Variants in SLC38A9 observed in about 807,000 individuals in gnomAD.
SLC38A9 encodes neutral amino acid transporter 9.
SLC38A9 carries 48 observed loss-of-function variants against 62.3 expected under a neutral mutation model. The observed-to-expected ratio is 0.77, with a 90% confidence interval of 0.61 to 0.98. SLC38A9 has a LOEUF of 0.98. Ranked by LOEUF, SLC38A9 falls within the 50% of genes least tolerant of loss-of-function variation. The pLI is 0.00. For missense variants in SLC38A9, 541 were observed against 679.8 expected (o/e 0.80, Z 2.27); for synonymous variants, 204 against 227.7 (o/e 0.90, Z 0.94).
intron 3 of SLC38A9, among the ~76,000 whole-genome samples, chr5:55,687,147 A>G (rs552298151): frequency 5.9e-4 from 89 of 150,148 alleles, no homozygotes; most frequent in African/African-American, 2.1e-3. Context: ...TATTTTTAAA[A>G]GTTTTTTCTA....
chr5:55,653,914 C>T (rs561495324), intron 9 of SLC38A9, among the ~76,000 whole-genome samples: 3 of 152,320 alleles, frequency 2.0e-5, no homozygotes, highest in African/African-American at 7.2e-5. Flanking sequence ...GCCTTGGCCT[C>T]CCAAAGTGCT....
At chr5:55,641,264 C>A (rs1178939642) in intron 12 of SLC38A9, among the ~76,000 whole-genome samples, 1 of 152,206 alleles carries the variant, frequency 6.6e-6, no homozygotes, top group Non-Finnish European at 1.5e-5. Context: ...TATAACTTAA[C>A]AATATGGAGC....
rs1029405760 is a variant in SLC38A9, at chr5:55,640,845, T to C, written c.1167+4944A>G. 2.0e-5 allele frequency among the ~76,000 whole-genome samples: 3 copies of C among 152,198 alleles called. No homozygotes were observed. The South Asian group carries it at 6.2e-4, about 32-fold the overall frequency. On this transcript the variant is annotated intron_variant, in intron 12 of 15. Transcript: ENST00000396865. ...ATGAAGAAAAAGTAAAATATGTATA[T>C]ATATTTTTGAGACAGAGTTTCACTC... is the stretch of plus-strand genomic sequence containing the variant.
chr5:55,668,625 C>A (rs1376986141), intron 7 of SLC38A9, among the ~76,000 whole-genome samples: 1 of 152,136 alleles, frequency 6.6e-6, no homozygotes, highest in African/African-American at 2.4e-5. Context: ...CAGAAAAAAA[C>A]TGGAGGCAAA....
At chr5:55,651,173 C>T (rs888479557) in intron 10 of SLC38A9, among the ~76,000 whole-genome samples, 2 of 148,742 alleles carry the variant, frequency 1.3e-5, no homozygotes, top group South Asian at 2.2e-4. Context: ...GTGGAGTTAT[C>T]GATTCCTTAT....
At chr5:55,700,349 AT>A (rs1406110402) in intron 2 of SLC38A9, among the ~76,000 whole-genome samples, 1 of 137,084 alleles carries the variant, frequency 7.3e-6, no homozygotes, top group African/African-American at 2.6e-5. Flanking sequence ...ATTAAAAAAA[AT>A]AAAACAAGCC....
In SLC38A9 at chr5:55,652,559, G is replaced by T. The variant is rs1410614842; in HGVS notation, c.922C>A (p.Pro308Thr). The change falls in exon 10 of 16, where the codon CCT (proline) becomes ACT (threonine). Residue 308 changes from proline (P) to threonine (T), a missense_variant. Pro to Thr is a conservative substitution (Grantham distance 38). Coordinates refer to ENST00000396865, the MANE Select transcript of SLC38A9 (RefSeq NM_173514.4). Reference sequence around the variant, plus strand: ...ATATTAAATTTTGAAAAAAATGAAGGAGACTTGAAATTGAGCAGTGGGAGG... The same window carrying T: ...ATATTAAATTTTGAAAAAAATGAAGTAGACTTGAAATTGAGCAGTGGGAGG... Reference protein sequence around the residue: ...LLLPLLNFKSPSFFSKFNILG... With the variant: ...LLLPLLNFKSTSFFSKFNILG... 1 of 1,603,186 alleles carries T rather than the reference G, an allele frequency of 6.2e-7. No homozygotes were observed. The highest frequency in any genetic ancestry group is 8.5e-7 in the Non-Finnish European group (1 of 1,175,190).
intron 3 of SLC38A9, among the ~76,000 whole-genome samples, chr5:55,676,743 T>C (rs532903899): frequency 1.3e-5 from 2 of 152,282 alleles, no homozygotes; most frequent in East Asian, 1.9e-4. Context: ...GTATGCTACG[T>C]AGGTACACAG....
chr5:55,655,087 G>C (rs1183724592), intron 9 of SLC38A9, among the ~76,000 whole-genome samples: 1 of 152,240 alleles, frequency 6.6e-6, no homozygotes, highest in East Asian at 1.9e-4. Context: ...CAATCCTCCT[G>C]CCTCGGCCTC....
In SLC38A9 at chr5:55,664,673, C is replaced by T; in HGVS notation, c.697+20G>A. On this transcript the variant is annotated intron_variant, in intron 8 of 15. Coordinates refer to ENST00000396865, the MANE Select transcript of SLC38A9 (RefSeq NM_173514.4). ...GTATTTGAAAGTACTGTGTTAAAAG[C>T]ATATGATATAGATACTTACTAAAAA... 2 of 1,356,150 alleles carry T rather than the reference C, an allele frequency of 1.5e-6. No homozygotes were observed. Among genetic ancestry groups the T allele is most frequent in the Admixed American group, 2.6e-5 (1 of 38,572 alleles). The allele number at this position is 1,356,150 out of a possible 1,614,324, so 84.0% of individuals were successfully genotyped here. A position where few individuals can be genotyped will look rare whatever the true frequency, so the allele number is the denominator to read the frequency against.
intron 9 of SLC38A9, 122 bp from the exon 10 acceptor site, chr5:55,652,845 G>A (rs1188885896): frequency 4.4e-6 from 3 of 679,422 alleles, no homozygotes; most frequent in Non-Finnish European, 6.8e-6. Flanking sequence ...CTCTTCCTAG[G>A]AGCCTAAATT....
At chr5:55,696,703 A>ATCT (rs1554068564) in intron 3 of SLC38A9, 1 of 63,414 alleles carries the variant, frequency 1.6e-5, no homozygotes, top group African/African-American at 5.4e-5. Flanking sequence ...CGGGGGGCTG[A>ATCT]CCCCCCCACC....
chr5:55,655,980 G>T (rs1180658399), intron 9 of SLC38A9, among the ~76,000 whole-genome samples: 1 of 151,932 alleles, frequency 6.6e-6, no homozygotes, highest in African/African-American at 2.4e-5. Flanking sequence ...TCTTTTACAG[G>T]TTACAAATTT....
At chr5:55,644,024 G>A (rs1161239334) in intron 12 of SLC38A9, among the ~76,000 whole-genome samples, 3 of 151,760 alleles carry the variant, frequency 2.0e-5, no homozygotes, top group Non-Finnish European at 4.4e-5. Context: ...GCAGTGGCAC[G>A]ATCTCTGCTC....
intron 14 of SLC38A9, among the ~76,000 whole-genome samples, chr5:55,632,184 TC>T: frequency 6.6e-6 from 1 of 152,284 alleles, no homozygotes; most frequent in Non-Finnish European, 1.5e-5. Flanking sequence ...ACGCCGGTAA[TC>T]CCAGCACTTT....
intron 4 of SLC38A9, among the ~76,000 whole-genome samples, chr5:55,670,818 T>A (rs990249207): frequency 1.3e-5 from 2 of 152,106 alleles, no homozygotes; most frequent in Non-Finnish European, 2.9e-5. Flanking sequence ...AGGGCTTAAG[T>A]AATTCCATTA....
At chr5:55,639,148 C>T (rs1744971827) in intron 12 of SLC38A9, among the ~76,000 whole-genome samples, 1 of 151,942 alleles carries the variant, frequency 6.6e-6, no homozygotes, top group South Asian at 2.1e-4. Flanking sequence ...TGGTACATGC[C>T]TGTTATCTCA....
rs577084239 is a variant in SLC38A9, at chr5:55,659,859, A to T, written c.698-3085T>A. The stretch of plus-strand genomic sequence containing the variant: ...CCGCTCACTGCAAGCTCCGCCCCCC[A>T]GGTTCATGCCATTCTCCTGCGTCAG... On this transcript the variant is annotated intron_variant, in intron 8 of 15. Transcript: ENST00000396865. Among the ~76,000 whole-genome samples, 4 of 150,970 alleles carry T rather than the reference A, an allele frequency of 2.6e-5. No homozygotes were observed. In the East Asian group the frequency reaches 7.9e-4, roughly 30 times the overall value.
At chr5:55,687,996 C>A (rs1463451905) in intron 3 of SLC38A9, among the ~76,000 whole-genome samples, 1 of 152,032 alleles carries the variant, frequency 6.6e-6, no homozygotes, top group African/African-American at 2.4e-5. Flanking sequence ...TGCACCCGGC[C>A]GGTATTTTAG....
Sources: gnomAD v4.1 joint callset for allele counts (sites outside exome capture counted in the v4.1 genomes callset) on GRCh38, gnomAD v4.1.1 for gene constraint, MANE v1.5 for transcripts, NCBI Gene and HGNC (gene_info 2026-07-23, HGNC 2026-07-21) for gene names.